TMLHE: variants seen among roughly 807,000 people sequenced by gnomAD.
The protein encoded by TMLHE is trimethyllysine dioxygenase, mitochondrial.
TMLHE carries 18 observed loss-of-function variants against 25.7 expected under a neutral mutation model. That is an observed-to-expected ratio of 0.70 (90% CI 0.48 to 1.04). The LOEUF (loss-of-function observed/expected upper bound fraction) is 1.04, where lower values mean the gene tolerates loss of function less well. Ranked by LOEUF, TMLHE falls within the 50% of genes least tolerant of loss-of-function variation. TMLHE has a pLI of 0.00. For synonymous variants in TMLHE, 105 were observed against 97.0 expected (o/e 1.08, Z -0.49); for missense variants, 236 against 259.0 (o/e 0.91, Z 0.61).
intron 1 of TMLHE, among the ~76,000 whole-genome samples, chrX:155,610,120 GAT>G (rs1336351535): frequency 8.9e-6 from 1 of 112,329 alleles, no homozygotes; most frequent in Non-Finnish European, 1.9e-5. Flanking sequence ...ATAGCCAAAA[GAT>G]AGAAACAATC....
rs189249176 is a variant in TMLHE at position 155,581,933 on chromosome X, A to G, written c.-2+30859T>C. The stretch of plus-strand genomic sequence containing the variant: ...ACCTGACTTCAAACTATACTACAAG[A>G]CTACAGTAACCAAAACAGCATGGTA... On this transcript the variant is annotated intron_variant, in intron 1 of 7. Coordinates refer to ENST00000334398, the MANE Select transcript of TMLHE (RefSeq NM_018196.4). Among the ~76,000 whole-genome samples, 76 of 111,926 alleles carry G rather than the reference A, an allele frequency of 6.8e-4. 2 individuals are homozygous for G. In the Admixed American group the frequency reaches 7.0e-3, roughly 10 times the overall value.
At chrX:155,514,667 G>A (rs1359768491) in intron 3 of TMLHE, among the ~76,000 whole-genome samples, 2 of 110,185 alleles carry the variant, frequency 1.8e-5, no homozygotes, top group African/African-American at 6.6e-5. Flanking sequence ...GAGCTAGAAG[G>A]GGCTAATCTT....
intron 3 of TMLHE, among the ~76,000 whole-genome samples, chrX:155,514,616 C>T: frequency 9.1e-6 from 1 of 110,423 alleles, no homozygotes; most frequent in Non-Finnish European, 1.9e-5. Context: ...TCCCCTTGCC[C>T]CCATCCCTGT....
At position 155,602,471 on chromosome X, in the gene TMLHE, T is replaced by C. The variant is rs145842320; in HGVS notation, c.-2+10321A>G. Among the ~76,000 whole-genome samples, 213 of 111,573 alleles carry C rather than the reference T, an allele frequency of 1.9e-3. 1 individual carries two copies. Among genetic ancestry groups the C allele is most frequent in the African/African-American group, 6.6e-3 (203 of 30,729 alleles). On this transcript the variant is annotated intron_variant, in intron 1 of 7. Transcript: ENST00000334398. ...TCACATTTAGTGATGAAGGATTGAATATTTCCCCTAAGACCAGAAAAAAAA... is the reference window on the plus strand; with the variant it reads ...TCACATTTAGTGATGAAGGATTGAACATTTCCCCTAAGACCAGAAAAAAAA...
chrX:155,560,575 G>GATCTTTGACAAACCT, intron 1 of TMLHE, among the ~76,000 whole-genome samples: 1 of 35,238 alleles, frequency 2.8e-5, no homozygotes, highest in African/African-American at 4.7e-5. Context: ...TTTGATCAAA[G>GATCTTTGACAAACCT]GAGGAGTTAG....
chrX:155,548,670 G>T (rs782154614), intron 1 of TMLHE, among the ~76,000 whole-genome samples: 1 of 108,742 alleles, frequency 9.2e-6, no homozygotes, highest in Non-Finnish European at 1.9e-5. Flanking sequence ...AGGAGGCAAA[G>T]GTTGCAGTGA....
intron 1 of TMLHE, among the ~76,000 whole-genome samples, chrX:155,577,492 G>A (rs913886333): frequency 9.2e-6 from 1 of 109,206 alleles, no homozygotes; most frequent in Non-Finnish European, 1.9e-5. Flanking sequence ...AGGCATGAGA[G>A]TTGCTTAAAC....
intron 1 of TMLHE, among the ~76,000 whole-genome samples, chrX:155,559,824 T>G (rs1282156124): frequency 1.8e-5 from 2 of 112,206 alleles, no homozygotes; most frequent in Non-Finnish European, 3.8e-5. Flanking sequence ...TTCCTTGCCT[T>G]CAGTCCATCC....
At chrX:155,530,246 AAGG>A (rs2067241837) in intron 2 of TMLHE, among the ~76,000 whole-genome samples, 1 of 112,145 alleles carries the variant, frequency 8.9e-6, no homozygotes, top group South Asian at 3.7e-4. Flanking sequence ...GCCTTTTAAA[AAGG>A]AGATCTTGCC....
At chrX:155,566,011 C>T (rs1180119328) in intron 1 of TMLHE, among the ~76,000 whole-genome samples, 1 of 61,640 alleles carries the variant, frequency 1.6e-5, no homozygotes, top group Non-Finnish European at 4.6e-5. Flanking sequence ...GCTTTGAAAA[C>T]CTAGGGACCA....
intron 1 of TMLHE, among the ~76,000 whole-genome samples, chrX:155,604,976 C>T (rs1273240065): frequency 2.7e-5 from 3 of 111,803 alleles, no homozygotes; most frequent in African/African-American, 9.8e-5. Context: ...AGAACCAGCA[C>T]AAGAACTCTG....
chrX:155,551,508 G>C (rs782420834), intron 1 of TMLHE, among the ~76,000 whole-genome samples: 1 of 109,074 alleles, frequency 9.2e-6, no homozygotes, highest in Non-Finnish European at 1.9e-5. Flanking sequence ...GTGTAAAAGC[G>C]TTCCTATTTC....
chrX:155,524,457 A>G lies in TMLHE; in HGVS notation c.357T>C (p.Thr119=), dbSNP rs781897772. 3 of 1,159,603 alleles carry G rather than the reference A, an allele frequency of 2.6e-6. No individual in the cohort carries two copies. Among genetic ancestry groups the G allele is most frequent in the Non-Finnish European group, 2.3e-6 (2 of 867,289 alleles). Residue 119 remains threonine, a splice_region_variant and synonymous_variant, in exon 3 of 8, where the codon ACT becomes ACC. Transcript: ENST00000334398. ...AGATCAAGTCTCCTGTCCACTCACA[A>G]GTGAAAAAGAGTGTGGTCTCATCCA... The part of the protein sequence containing the change: ...IRLDETTLFF[T]WPDGHVTKYD...
chrX:155,571,428 C>G lies in TMLHE; in HGVS notation c.-1-26151G>C, dbSNP rs2067550191. Among the ~76,000 whole-genome samples, 4 of 56,293 alleles carry G rather than the reference C, an allele frequency of 7.1e-5. 1 individual carries two copies. Among genetic ancestry groups the G allele is most frequent in the African/African-American group, 1.7e-4 (4 of 23,337 alleles). The allele number at this position is 56,293 out of a possible 115,157, so 48.9% of individuals were successfully genotyped here. A position where few individuals can be genotyped will look rare whatever the true frequency, so the allele number is the denominator to read the frequency against. On this transcript the variant is annotated intron_variant, in intron 1 of 7. Coordinates refer to ENST00000334398, the MANE Select transcript of TMLHE (RefSeq NM_018196.4). ...GTACAAGGAGGAACTGGTACTATTC[C>G]TTCTGAAACTATTCCAATCAACAAA...
chrX:155,512,254 T>C (rs2067118955), intron 4 of TMLHE, among the ~76,000 whole-genome samples: 2 of 108,879 alleles, frequency 1.8e-5, no homozygotes, highest in Non-Finnish European at 3.8e-5. Flanking sequence ...GCCATGCTGG[T>C]GCGCTGCACC....
chrX:155,529,626 T>C (rs939999183), intron 2 of TMLHE, among the ~76,000 whole-genome samples: 2 of 112,010 alleles, frequency 1.8e-5, no homozygotes, highest in East Asian at 5.6e-4. Context: ...TTCATATACG[T>C]GTTGGTCATT....
At chrX:155,537,431 CA>C (rs782457926) in intron 2 of TMLHE, among the ~76,000 whole-genome samples, 74 of 111,139 alleles carry the variant, frequency 6.7e-4, no homozygotes, top group Non-Finnish European at 1.3e-3. Context: ...TCATCCTTGG[CA>C]ACTTCATCAT....
intron 1 of TMLHE, among the ~76,000 whole-genome samples, chrX:155,583,237 G>C (rs939103829): frequency 9.0e-6 from 1 of 111,114 alleles, no homozygotes; most frequent in Non-Finnish European, 1.9e-5. Context: ...TGAGTTAATG[G>C]GCGCAGCACA....
chrX:155,541,674 C>T (rs1187634468), intron 2 of TMLHE, among the ~76,000 whole-genome samples: 23 of 111,584 alleles, frequency 2.1e-4, no homozygotes, highest in Admixed American at 4.7e-4. Flanking sequence ...ACTGTAAAAG[C>T]GTTCCTATTT....
Sources: gnomAD v4.1 joint callset for allele counts (sites outside exome capture counted in the v4.1 genomes callset) on GRCh38, gnomAD v4.1.1 for gene constraint, MANE v1.5 for transcripts, NCBI Gene and HGNC (gene_info 2026-07-23, HGNC 2026-07-21) for gene names.